The following RBFOX1 variants were observed in gnomAD, a reference collection of about 807,000 sequenced individuals.
RBFOX1 encodes the protein RNA binding fox-1 homolog 1.
RBFOX1 carries 8 observed loss-of-function variants against 57.7 expected under a neutral mutation model. That is an observed-to-expected ratio of 0.14 (90% CI 0.08 to 0.25). The LOEUF (loss-of-function observed/expected upper bound fraction) is 0.25, where lower values mean the gene tolerates loss of function less well. RBFOX1 is among the 10% of genes least tolerant of loss of function. RBFOX1 has a pLI of 1.00. For synonymous variants in RBFOX1, 326 were observed against 222.4 expected, an observed-to-expected ratio of 1.47 and a Z score of -4.15; for missense variants, 611 against 548.5, an observed-to-expected ratio of 1.11 and a Z score of -1.14.
intron 1 of RBFOX1, among the ~76,000 whole-genome samples, chr16:6,249,866 C>T (rs542901867): frequency 6.7e-6 from 1 of 149,978 alleles, no homozygotes; most frequent in South Asian, 2.1e-4. Flanking sequence ...TGTTGGTGTG[C>T]TGCACCCAGT....
At chr16:6,631,119 C>G (rs1427298756) in intron 2 of RBFOX1, among the ~76,000 whole-genome samples, 2 of 151,880 alleles carry the variant, frequency 1.3e-5, no homozygotes, top group Non-Finnish European at 2.9e-5. Context: ...GAAAGAATTA[C>G]TAACATGAAA....
chr16:7,153,945 C>T (rs575171769), intron 4 of RBFOX1, among the ~76,000 whole-genome samples: 6 of 152,074 alleles, frequency 3.9e-5, no homozygotes, highest in South Asian at 2.1e-4. Flanking sequence ...TTTTAAATGA[C>T]GAGAATGGAG....
At chr16:7,323,031 G>A (rs2096565837) in intron 4 of RBFOX1, among the ~76,000 whole-genome samples, 1 of 152,088 alleles carries the variant, frequency 6.6e-6, no homozygotes, top group East Asian at 1.9e-4. Context: ...CTGCTCTTTG[G>A]ATTTGTATTC....
Position 5,309,928 on chromosome 16 carries a change from T to G in RBFOX1, c.219+69823T>G, listed in dbSNP as rs1433054600. Among the ~76,000 whole-genome samples, 3 of 152,332 alleles carry G rather than the reference T, an allele frequency of 2.0e-5. No individual in the cohort carries two copies. The East Asian group carries it at 5.8e-4, about 29-fold the overall frequency. ...TCAAATTTAAACTGGAGCCAAAGCT[T>G]CTTTTTCTGGTCCTTTGATTTAGAG... is the stretch of plus-strand genomic sequence containing the variant. On this transcript the variant is annotated intron_variant, in intron 1 of 2. Transcript: ENST00000585867.
At chr16:7,183,894 G>A (rs1459660584) in intron 4 of RBFOX1, among the ~76,000 whole-genome samples, 1 of 152,186 alleles carries the variant, frequency 6.6e-6, no homozygotes, top group African/African-American at 2.4e-5. Flanking sequence ...AATTGAGGGA[G>A]TAGTTTAAAG....
chr16:5,701,064 T>G (rs1456051055), intron 3 of RBFOX1, among the ~76,000 whole-genome samples: 5 of 152,240 alleles, frequency 3.3e-5, no homozygotes, highest in Non-Finnish European at 1.5e-5. Context: ...CTTCTTTTAA[T>G]AGCCTCTCAT....
At chr16:7,195,966 C>T (rs1028811936) in intron 4 of RBFOX1, among the ~76,000 whole-genome samples, 1 of 151,974 alleles carries the variant, frequency 6.6e-6, no homozygotes, top group Non-Finnish European at 1.5e-5. Flanking sequence ...TGCCACACTG[C>T]TATTTGTGGC....
chr16:6,402,788 T>G (rs1233919235), intron 2 of RBFOX1, among the ~76,000 whole-genome samples: 1 of 152,230 alleles, frequency 6.6e-6, no homozygotes, highest in African/African-American at 2.4e-5. Context: ...GGTTTCTGCC[T>G]TTGATTTAGA....
chr16:6,019,649 G>T lies in RBFOX1; in HGVS notation c.-470G>T, dbSNP rs1400480850. 1 of 1,297,174 alleles carries T rather than the reference G, an allele frequency of 7.7e-7. No individual in the cohort carries two copies. The highest frequency in any genetic ancestry group is 1.5e-5 in the African/African-American group (1 of 64,628). 80.4% of individuals were successfully genotyped at this position (1,297,174 alleles called of 1,614,324 possible). On this transcript the variant is annotated 5_prime_UTR_variant, in exon 1 of 16. Transcript: ENST00000550418. The surrounding 1 kb of genome is among the most constrained non-coding windows in gnomAD (Gnocchi z 4.2). ...CCACATCTGGAGGGGACAGCCAGCCGTGGGCCCCGCCCCGGCGTCCGGAGC... is the reference window on the plus strand; with the variant it reads ...CCACATCTGGAGGGGACAGCCAGCCTTGGGCCCCGCCCCGGCGTCCGGAGC...
intron 4 of RBFOX1, among the ~76,000 whole-genome samples, chr16:5,987,874 T>G (rs1432534675): frequency 6.6e-6 from 1 of 152,214 alleles, no homozygotes; most frequent in Non-Finnish European, 1.5e-5. Flanking sequence ...TCAATAGCAT[T>G]TTATATAATC....
At chr16:7,304,727 G>T (rs1158693352) in intron 4 of RBFOX1, among the ~76,000 whole-genome samples, 1 of 152,202 alleles carries the variant, frequency 6.6e-6, no homozygotes, top group Admixed American at 6.5e-5. Flanking sequence ...GGCACCGGAA[G>T]TTTGAAATGG....
chr16:7,373,158 C>T (rs1020792971), intron 4 of RBFOX1, among the ~76,000 whole-genome samples: 3 of 152,058 alleles, frequency 2.0e-5, no homozygotes, highest in African/African-American at 7.2e-5. Flanking sequence ...GGTTATCGCT[C>T]TCCTGACCTT....
chr16:7,387,280 A>C (rs765262605), intron 4 of RBFOX1, among the ~76,000 whole-genome samples: 7 of 152,198 alleles, frequency 4.6e-5, no homozygotes, highest in Non-Finnish European at 7.3e-5. Flanking sequence ...AATAAATTCT[A>C]TGAGCTATGT....
At chr16:5,977,882 G>C (rs1267237759) in intron 4 of RBFOX1, among the ~76,000 whole-genome samples, 5 of 151,916 alleles carry the variant, frequency 3.3e-5, no homozygotes, top group Admixed American at 6.6e-5. Flanking sequence ...AACATCACAG[G>C]CTTAGACAGT....
At chr16:5,726,700 G>C (rs35327175) in intron 3 of RBFOX1, among the ~76,000 whole-genome samples, 48,131 of 152,088 alleles carry the variant, frequency 0.32, 8,128 homozygotes, top group East Asian at 0.66. Flanking sequence ...AATGCTAATA[G>C]CTATAGGTAT....
chr16:5,506,161 C>T (rs2043370340), intron 2 of RBFOX1, among the ~76,000 whole-genome samples: 1 of 152,160 alleles, frequency 6.6e-6, no homozygotes, highest in Non-Finnish European at 1.5e-5. Flanking sequence ...ATTAATGTGC[C>T]TGTCTTCACA....
chr16:6,702,929 A>G (rs1344924953), intron 3 of RBFOX1, among the ~76,000 whole-genome samples: 1 of 152,148 alleles, frequency 6.6e-6, no homozygotes, highest in Admixed American at 6.5e-5. Context: ...CCCCATTCTC[A>G]TGTCCTCCCA....
chr16:5,390,071 G>A (rs1006285076), intron 1 of RBFOX1, among the ~76,000 whole-genome samples: 3 of 152,056 alleles, frequency 2.0e-5, no homozygotes, highest in African/African-American at 7.2e-5. Context: ...ATTGAAGTAT[G>A]ACATGCCTAC....
At chr16:7,523,695 A>G (rs906631828) in intron 5 of RBFOX1, among the ~76,000 whole-genome samples, 6 of 152,306 alleles carry the variant, frequency 3.9e-5, no homozygotes, top group African/African-American at 1.4e-4. Flanking sequence ...TAAGACTTAT[A>G]TTCTGAACTG....
Sources: allele counts gnomAD v4.1 joint callset (sites outside exome capture counted in the v4.1 genomes callset), GRCh38; gene constraint gnomAD v4.1.1; non-coding constraint Gnocchi (gnomAD v3.1); transcripts MANE v1.5; gene names NCBI Gene and HGNC (gene_info 2026-07-23, HGNC 2026-07-21).